ASTN1: variants seen among roughly 807,000 people sequenced by gnomAD.
The protein encoded by ASTN1 is astrotactin-1.
In ASTN1, 41 loss-of-function variants were observed where a neutral mutation model predicts 140.7. The observed-to-expected ratio is 0.29, with a 90% CI of 0.23 to 0.38. The LOEUF is 0.38. Ranked by LOEUF, ASTN1 falls within the 10% of genes least tolerant of loss-of-function variation. The probability of loss-of-function intolerance (pLI) is 1.00; values close to 1 mark genes in which losing one functional copy is unlikely to be tolerated. For missense variants in ASTN1, 1,479 were observed against 1,678.8 expected, an observed-to-expected ratio of 0.88 and a Z score of 2.08; for synonymous variants, 640 against 652.2, an observed-to-expected ratio of 0.98 and a Z score of 0.29.
At chr1:177,056,060 G>A (rs1219863080) in intron 2 of ASTN1, among the ~76,000 whole-genome samples, 3 of 152,152 alleles carry the variant, frequency 2.0e-5, no homozygotes, top group Non-Finnish European at 2.9e-5. Flanking sequence ...ACTCACATGC[G>A]ATGCTCAGGC....
chr1:177,133,833 T>C, intron 1 of ASTN1, among the ~76,000 whole-genome samples: 1 of 152,230 alleles, frequency 6.6e-6, no homozygotes, highest in Non-Finnish European at 1.5e-5. Context: ...ATGCTCTAGA[T>C]CGCATGCTAT....
At chr1:177,132,765 G>A (rs1682000600) in intron 1 of ASTN1, among the ~76,000 whole-genome samples, 1 of 152,186 alleles carries the variant, frequency 6.6e-6, no homozygotes. Flanking sequence ...TTAGCAAACT[G>A]CCTGTGTTTA....
chr1:176,960,034 C>A (rs1672589815), intron 9 of ASTN1, among the ~76,000 whole-genome samples: 1 of 152,168 alleles, frequency 6.6e-6, no homozygotes, highest in South Asian at 2.1e-4. Context: ...CTCACACACA[C>A]ATACACACAC....
chr1:176,993,369 T>C (rs990776444), intron 8 of ASTN1, among the ~76,000 whole-genome samples: 3 of 152,206 alleles, frequency 2.0e-5, no homozygotes, highest in African/African-American at 7.2e-5. Flanking sequence ...ATGTGGGTGC[T>C]ATGGAACTCC....
rs1683004099 is a variant in ASTN1, at chr1:177,150,921, C to T, written c.283+13473G>A. 2.6e-5 allele frequency among the ~76,000 whole-genome samples: 4 copies of T among 152,086 alleles called. No individual in the cohort carries two copies. The South Asian group carries it at 8.3e-4, about 32-fold the overall frequency. Reference sequence around the variant, plus strand: ...ACATATTGAGTAGTTACAACAGAGACCATATGGTCTAAAAGGTCTAAAATA... The same window carrying T: ...ACATATTGAGTAGTTACAACAGAGATCATATGGTCTAAAAGGTCTAAAATA... On this transcript the variant is annotated intron_variant, in intron 1 of 22. Transcript: ENST00000361833.
chr1:177,097,262 G>T (rs1421077146), intron 1 of ASTN1, among the ~76,000 whole-genome samples: 1 of 152,090 alleles, frequency 6.6e-6, no homozygotes, highest in Admixed American at 6.5e-5. Context: ...TTCAGGGAAA[G>T]ATCCCATTAT....
chr1:176,916,011 G>T (rs1670464955), intron 16 of ASTN1, among the ~76,000 whole-genome samples: 1 of 152,140 alleles, frequency 6.6e-6, no homozygotes. Flanking sequence ...CCATGTCCCT[G>T]GTTTATCTCC....
intron 8 of ASTN1, among the ~76,000 whole-genome samples, chr1:177,003,702 C>T (rs988563017): frequency 6.6e-5 from 10 of 151,958 alleles, no homozygotes; most frequent in Non-Finnish European, 1.5e-4. Context: ...CTCCCAGCTA[C>T]TCGGGAGGCT....
intron 20 of ASTN1, among the ~76,000 whole-genome samples, chr1:176,882,412 C>A (rs2072934): frequency 0.12 from 18,649 of 152,258 alleles, 1,484 homozygotes; most frequent in African/African-American, 0.23. Flanking sequence ...CTTCATGCTT[C>A]TTCACCTTTG....
chr1:176,949,643 C>A (rs931088698), intron 11 of ASTN1, among the ~76,000 whole-genome samples: 1 of 152,196 alleles, frequency 6.6e-6, no homozygotes, highest in African/African-American at 2.4e-5. Context: ...GGTGTACTGG[C>A]CTCCCAAATG....
chr1:177,062,543 C>A (rs540802457), intron 1 of ASTN1, among the ~76,000 whole-genome samples: 226 of 146,956 alleles, frequency 1.5e-3, no homozygotes, highest in African/African-American at 5.1e-3. Context: ...TATGGCCTGG[C>A]CTTTTTTTTT....
chr1:176,928,281 A>C (rs1350875180), intron 16 of ASTN1, among the ~76,000 whole-genome samples: 2 of 152,154 alleles, frequency 1.3e-5, no homozygotes, highest in Non-Finnish European at 2.9e-5. Context: ...AGGGAGTGGA[A>C]CAGGATTACT....
rs1315626557 is a variant in ASTN1 at position 177,106,380 on chromosome 1, G to A, written c.284-45115C>T. On this transcript the variant is annotated intron_variant, in intron 1 of 22. Coordinates refer to ENST00000361833, the MANE Select transcript of ASTN1 (RefSeq NM_004319.3). ...TAGCCTATGAATGCAATGTCCCAGG[G>A]GCATCCATAATCATCCCAGATATTC... Among the ~76,000 whole-genome samples, 4 of 151,966 alleles carry A rather than the reference G, an allele frequency of 2.6e-5. No homozygotes were observed. The East Asian group carries it at 7.7e-4, about 29-fold the overall frequency.
chr1:177,114,639 C>T (rs981170253), intron 1 of ASTN1, among the ~76,000 whole-genome samples: 2 of 152,044 alleles, frequency 1.3e-5, no homozygotes. Context: ...TTTTCTTACA[C>T]TTATTTGTTT....
At position 176,884,487 on chromosome 1, in the gene ASTN1, C is replaced by A; in HGVS notation, c.3078G>T (p.Leu1026=). ...TGGGCTCGTGAACCGTGGAGAGTCT[C>A]AGCCTGTGTGCAGACAGGAAGGAAC... is the stretch of plus-strand genomic sequence containing the variant. ...PTCAPLPQPV[L]RLSTVHEPSS... The change falls in exon 19 of 23, where the codon CTG becomes CTT. Residue 1026 remains leucine (L), a synonymous_variant. Coordinates refer to ENST00000361833, the MANE Select transcript of ASTN1 (RefSeq NM_004319.3). 1 of 1,609,438 alleles carries A rather than the reference C, an allele frequency of 6.2e-7. No homozygotes were observed. The highest frequency in any genetic ancestry group is 1.1e-5 in the South Asian group (1 of 90,920).
chr1:176,919,359 C>A (rs78342344), intron 16 of ASTN1, among the ~76,000 whole-genome samples: 3,775 of 152,236 alleles, frequency 0.025, 164 homozygotes, highest in African/African-American at 0.085. Context: ...TGATCTCTAC[C>A]AGCCTAAAGA....
At chr1:177,074,802 T>A (rs1298721797) in intron 1 of ASTN1, among the ~76,000 whole-genome samples, 3 of 152,262 alleles carry the variant, frequency 2.0e-5, no homozygotes, top group Non-Finnish European at 4.4e-5. Flanking sequence ...TATTCATTAT[T>A]ACTTATTTTA....
intron 15 of ASTN1, among the ~76,000 whole-genome samples, chr1:176,935,807 A>T (rs1327499899): frequency 6.7e-6 from 1 of 148,154 alleles, no homozygotes; most frequent in African/African-American, 2.5e-5. Context: ...CAGTCTCTTT[A>T]TTTCACTCAC....
At chr1:177,052,049 G>T (rs991332957) in intron 2 of ASTN1, among the ~76,000 whole-genome samples, 1 of 152,092 alleles carries the variant, frequency 6.6e-6, no homozygotes, top group East Asian at 1.9e-4. Context: ...ATCATAAGAC[G>T]CCTGGTGGGA....
Sources: gnomAD v4.1 joint callset for allele counts (sites outside exome capture counted in the v4.1 genomes callset) on GRCh38, gnomAD v4.1.1 for gene constraint, MANE v1.5 for transcripts, NCBI Gene and HGNC (gene_info 2026-07-23, HGNC 2026-07-21) for gene names.